NELL1: variants seen among roughly 807,000 people sequenced by gnomAD.
NELL1 encodes the protein protein kinase C-binding protein NELL1.
NELL1 carries 76 observed loss-of-function variants against 107.4 expected under a neutral mutation model. The ratio of observed to expected loss-of-function variants is 0.71; its 90% CI spans 0.59 to 0.86. NELL1 has a LOEUF of 0.86. Among genes scored for constraint, NELL1 ranks in the 40% least tolerant of loss-of-function variants. The pLI is 0.00. For synonymous variants in NELL1, 353 were observed against 341.2 expected (o/e 1.03, Z -0.38); for missense variants, 1,024 against 1,005.5 (o/e 1.02, Z -0.25).
At chr11:20,906,848 G>A (rs79065275) in intron 5 of NELL1, among the ~76,000 whole-genome samples, 342 of 152,028 alleles carry the variant, frequency 2.2e-3, no homozygotes, top group African/African-American at 7.8e-3. Context: ...CTTTCTTAAC[G>A]TAATAAAGGG....
chr11:20,716,940 C>T (rs890863289), intron 2 of NELL1, among the ~76,000 whole-genome samples: 5 of 152,184 alleles, frequency 3.3e-5, no homozygotes, highest in African/African-American at 7.2e-5. Context: ...TGAAACTTAT[C>T]ATTTCACTCT....
At chr11:21,496,425 T>TC (rs1854982351) in intron 15 of NELL1, among the ~76,000 whole-genome samples, 1 of 147,142 alleles carries the variant, frequency 6.8e-6, no homozygotes, top group Non-Finnish European at 1.5e-5. Flanking sequence ...TTTTTTTTTT[T>TC]CTTGAGAGGA....
At chr11:20,838,876 A>G (rs1456836650) in intron 3 of NELL1, among the ~76,000 whole-genome samples, 2 of 152,170 alleles carry the variant, frequency 1.3e-5, no homozygotes, top group East Asian at 3.8e-4. Context: ...CTATTCATAA[A>G]CATCTTAATT....
At chr11:20,902,275 C>T (rs1564958608) in intron 5 of NELL1, among the ~76,000 whole-genome samples, 1 of 145,200 alleles carries the variant, frequency 6.9e-6, no homozygotes, top group Non-Finnish European at 1.5e-5. Context: ...AATAAGAAAC[C>T]TTTTTTTTTT....
intron 15 of NELL1, among the ~76,000 whole-genome samples, chr11:21,403,038 AG>A (rs1852136578): frequency 6.6e-6 from 1 of 151,774 alleles, no homozygotes; most frequent in Non-Finnish European, 1.5e-5. Flanking sequence ...AGTAAAAGGT[AG>A]CTGACCTCCT....
chr11:21,389,451 TCACATTCTGC>T (rs1851818214), intron 15 of NELL1, among the ~76,000 whole-genome samples: 1 of 151,852 alleles, frequency 6.6e-6, no homozygotes. Context: ...TTAGTAAATG[TCACATTCTGC>T]TCTCCCTTCC....
intron 14 of NELL1, among the ~76,000 whole-genome samples, chr11:21,326,759 C>G (rs559996398): frequency 2.0e-5 from 3 of 151,726 alleles, no homozygotes; most frequent in South Asian, 2.1e-4. Flanking sequence ...TTATAGACTA[C>G]TTTTTTTTCT....
intron 15 of NELL1, among the ~76,000 whole-genome samples, chr11:21,487,926 A>C (rs1297910190): frequency 6.6e-6 from 1 of 152,188 alleles, no homozygotes; most frequent in Non-Finnish European, 1.5e-5. Context: ...ACAATGTAAA[A>C]AAGTCAGAGA....
intron 15 of NELL1, among the ~76,000 whole-genome samples, chr11:21,445,088 G>C (rs557735533): frequency 6.6e-6 from 1 of 151,936 alleles, no homozygotes; most frequent in South Asian, 2.1e-4. Flanking sequence ...ATTTTTTAAC[G>C]TCTTATTGTT....
chr11:21,281,930 C>T (rs1029385545), intron 14 of NELL1, among the ~76,000 whole-genome samples: 2 of 152,264 alleles, frequency 1.3e-5, no homozygotes, highest in African/African-American at 2.4e-5. Flanking sequence ...TGGATATTTG[C>T]CTGGGCAAAA....
intron 15 of NELL1, among the ~76,000 whole-genome samples, chr11:21,474,035 C>G (rs1408559792): frequency 6.6e-6 from 1 of 152,044 alleles, no homozygotes; most frequent in Non-Finnish European, 1.5e-5. Context: ...CTGCACAAAA[C>G]TGTCTTCTGG....
chr11:20,897,977 G>A (rs942153257), intron 5 of NELL1, among the ~76,000 whole-genome samples: 3 of 152,174 alleles, frequency 2.0e-5, no homozygotes, highest in African/African-American at 7.2e-5. Context: ...TGGTGGGACC[G>A]TAAACTAGTT....
intron 2 of NELL1, among the ~76,000 whole-genome samples, chr11:20,743,222 C>A (rs111937806): frequency 2.0e-5 from 3 of 151,922 alleles, no homozygotes; most frequent in Non-Finnish European, 4.4e-5. Context: ...GGTGTGATGG[C>A]GCACACCTGT....
intron 13 of NELL1, among the ~76,000 whole-genome samples, chr11:21,172,896 T>C (rs1856635893): frequency 6.7e-6 from 1 of 149,588 alleles, no homozygotes. Flanking sequence ...TTGTAAGACT[T>C]CACTCTTTGG....
intron 14 of NELL1, among the ~76,000 whole-genome samples, chr11:21,243,281 C>A (rs886182595): frequency 6.6e-6 from 1 of 152,070 alleles, no homozygotes; most frequent in African/African-American, 2.4e-5. Flanking sequence ...AAAATGAATA[C>A]TTTGCTTAAA....
At chr11:21,319,589 G>A (rs550749476) in intron 14 of NELL1, among the ~76,000 whole-genome samples, 13 of 151,090 alleles carry the variant, frequency 8.6e-5, no homozygotes, top group Middle Eastern at 3.4e-3. Flanking sequence ...TGATCTGCCC[G>A]CCTCTGCCTT....
chr11:21,531,725 T>C (rs1335225185), intron 15 of NELL1, among the ~76,000 whole-genome samples: 2 of 152,180 alleles, frequency 1.3e-5, no homozygotes, highest in African/African-American at 2.4e-5. Flanking sequence ...GAGAGTTGAT[T>C]CTGTAGTGAA....
chr11:21,108,805 G>A (rs1007284453), intron 12 of NELL1, among the ~76,000 whole-genome samples: 8 of 152,094 alleles, frequency 5.3e-5, no homozygotes, highest in East Asian at 3.9e-4. Context: ...AGTGATGCAC[G>A]GAGCAGAATT....
chr11:21,152,908 T>C (rs555620802), intron 13 of NELL1, among the ~76,000 whole-genome samples: 1 of 152,334 alleles, frequency 6.6e-6, no homozygotes, highest in South Asian at 2.1e-4. Flanking sequence ...CCTGTTTTTC[T>C]GCATTTACAT....
Sources: allele counts gnomAD v4.1 joint callset (sites outside exome capture counted in the v4.1 genomes callset), GRCh38; gene constraint gnomAD v4.1.1; transcripts MANE v1.5; gene names NCBI Gene and HGNC (gene_info 2026-07-23, HGNC 2026-07-21).